The following STIM2 variants were observed in gnomAD, a reference collection of about 807,000 sequenced individuals.
STIM2 encodes the protein stromal interaction molecule 2.
In STIM2, 31 loss-of-function variants were observed where a neutral mutation model predicts 85.8. That is an observed-to-expected ratio of 0.36 (90% CI 0.27 to 0.49). The LOEUF is 0.49. STIM2 is among the 20% of genes least tolerant of loss of function. The probability of loss-of-function intolerance (pLI) is 0.98; values close to 1 mark genes in which losing one functional copy is unlikely to be tolerated. For synonymous variants in STIM2, 356 were observed against 331.1 expected, an observed-to-expected ratio of 1.08 and a Z score of -0.82; for missense variants, 841 against 927.6, an observed-to-expected ratio of 0.91 and a Z score of 1.21.
chr4:26,888,928 T>G (rs1484156066), intron 1 of STIM2, among the ~76,000 whole-genome samples: 3 of 152,222 alleles, frequency 2.0e-5, no homozygotes, highest in Admixed American at 6.5e-5. Context: ...ACCCTGGGTC[T>G]TCTTTGCCTG....
chr4:26,940,697 T>C (rs1725578074), intron 2 of STIM2, among the ~76,000 whole-genome samples: 1 of 152,200 alleles, frequency 6.6e-6, no homozygotes, highest in African/African-American at 2.4e-5. Flanking sequence ...TCTTTTCCTT[T>C]TTGTAAATCC....
Position 27,008,871 on chromosome 4 carries a change from G to T in STIM2, c.1358G>T (p.Ser453Ile). The change falls in exon 10 of 12, where the codon AGC becomes ATC. Residue 453 changes from serine to isoleucine, a missense_variant. Around this residue, in one of 3 missense-constraint regions of STIM2, gnomAD observed 408 missense variants for 525.4 expected, o/e 0.78. Coordinates refer to ENST00000467087, the MANE Select transcript of STIM2 (RefSeq NM_020860.4). The stretch of plus-strand genomic sequence containing the variant: ...ATAGCCCATAACTCAGGACTCCCCA[G>T]CCTGACCTCTTCCCTTTATTCTGAT... 1 of 1,614,114 alleles carries T rather than the reference G, an allele frequency of 6.2e-7. No individual in the cohort carries two copies. The highest frequency in any genetic ancestry group is 8.5e-7 in the Non-Finnish European group (1 of 1,179,990).
At chr4:26,866,735 C>T (rs919069123) in intron 1 of STIM2, among the ~76,000 whole-genome samples, 1 of 152,064 alleles carries the variant, frequency 6.6e-6, no homozygotes, top group Non-Finnish European at 1.5e-5. Context: ...TGTATACTGG[C>T]AAGAATGAGA....
intron 2 of STIM2, among the ~76,000 whole-genome samples, chr4:26,919,927 C>T (rs1464524402): frequency 1.3e-5 from 2 of 152,108 alleles, no homozygotes; most frequent in Non-Finnish European, 2.9e-5. Context: ...TGTTGCTTTA[C>T]AAACCACTCC....
In STIM2 at chr4:27,025,216, A is replaced by G. The variant is rs1191753573; in HGVS notation, c.*2220A>G. ...TACAGTATACACATTTGTAAATTCA[A>G]CAGGAAATTATTGAGTTTTGGAAAG... On this transcript the variant is annotated 3_prime_UTR_variant, in exon 12 of 12. Transcript: ENST00000467087. 6.6e-6 allele frequency: 1 copy of G among 152,244 alleles called. No individual in the cohort carries two copies. The highest frequency in any genetic ancestry group is 1.5e-5 in the Non-Finnish European group (1 of 68,038). 9.4% of individuals were successfully genotyped at this position (152,244 alleles called of 1,614,324 possible).
chr4:26,983,997 A>G (rs1052943816), intron 3 of STIM2, among the ~76,000 whole-genome samples: 4 of 152,240 alleles, frequency 2.6e-5, no homozygotes, highest in Admixed American at 6.5e-5. Flanking sequence ...TTGTAAAGCT[A>G]TAATTGAAAA....
At chr4:27,003,922 C>T (rs1223021124) in intron 7 of STIM2, among the ~76,000 whole-genome samples, 3 of 152,136 alleles carry the variant, frequency 2.0e-5, no homozygotes, top group Non-Finnish European at 4.4e-5. Context: ...CTCATCTCCT[C>T]CTTCTGACTT....
At chr4:27,007,900 T>A (rs539733840) in intron 8 of STIM2, 200 bp downstream of exon 8, 2 of 727,006 alleles carry the variant, frequency 2.8e-6, no homozygotes, top group South Asian at 3.2e-5. Context: ...AAGTGTATAC[T>A]TTTCAAAGTG....
chr4:26,997,434 TACTAAG>T (rs1408015487), intron 4 of STIM2, among the ~76,000 whole-genome samples: 2 of 152,196 alleles, frequency 1.3e-5, no homozygotes, highest in Non-Finnish European at 2.9e-5. Context: ...CCAAACATTA[TACTAAG>T]GCTGTCTTCA....
At chr4:26,971,418 G>A (rs1229146384) in intron 3 of STIM2, among the ~76,000 whole-genome samples, 2 of 152,088 alleles carry the variant, frequency 1.3e-5, no homozygotes, top group Non-Finnish European at 2.9e-5. Flanking sequence ...ATTAATTTTT[G>A]TATAAGGTGT....
At chr4:27,018,174 G>A (rs1728799149) in intron 11 of STIM2, among the ~76,000 whole-genome samples, 190 bp downstream of exon 11, 1 of 152,140 alleles carries the variant, frequency 6.6e-6, no homozygotes, top group Non-Finnish European at 1.5e-5. Context: ...CAAGCCTGGT[G>A]TGACTGGGGT....
At chr4:26,958,263 T>TA (rs1294590703) in intron 3 of STIM2, among the ~76,000 whole-genome samples, 3 of 152,148 alleles carry the variant, frequency 2.0e-5, no homozygotes, top group Non-Finnish European at 2.9e-5. Flanking sequence ...GTCTGTGATC[T>TA]AAAAATCTCA....
At chr4:27,005,808 T>C (rs1269280777) in intron 7 of STIM2, among the ~76,000 whole-genome samples, 1 of 152,226 alleles carries the variant, frequency 6.6e-6, no homozygotes, top group Non-Finnish European at 1.5e-5. Context: ...ATGTTAAATG[T>C]GTTTCCTTTG....
At chr4:26,979,631 A>G (rs751248188) in intron 3 of STIM2, among the ~76,000 whole-genome samples, 11 of 152,256 alleles carry the variant, frequency 7.2e-5, no homozygotes, top group Non-Finnish European at 1.3e-4. Flanking sequence ...ATATTTAAAT[A>G]TACTCATTTA....
Position 27,023,059 on chromosome 4 carries a change from A to G in STIM2, c.*63A>G. 9 of 1,451,870 alleles carry G rather than the reference A, an allele frequency of 6.2e-6. No homozygotes were observed. Among genetic ancestry groups the G allele is most frequent in the Non-Finnish European group, 7.4e-6 (8 of 1,077,668 alleles). The allele number at this position is 1,451,870 out of a possible 1,614,324, so 89.9% of individuals were successfully genotyped here. On this transcript the variant is annotated 3_prime_UTR_variant, in exon 12 of 12. Coordinates refer to ENST00000467087, the MANE Select transcript of STIM2 (RefSeq NM_020860.4). ...TGTAAACTATTATCCCCCACCCTCC[A>G]CTCCCCACCTTTTTTTTGGTTTAAT...
Position 26,901,840 on chromosome 4 carries a change from G to T in STIM2, c.152-17664G>T, listed in dbSNP as rs1238295967. ...TGTGAAATTCTTCTTATCCCTTTGA[G>T]AGACTGATTATTTGGAGGAGGATAT... On this transcript the variant is annotated intron_variant, in intron 1 of 11. Coordinates refer to ENST00000467087, the MANE Select transcript of STIM2 (RefSeq NM_020860.4). 2.0e-5 allele frequency among the ~76,000 whole-genome samples: 3 copies of T among 152,166 alleles called. No individual in the cohort carries two copies. The East Asian group carries it at 5.8e-4, about 29-fold the overall frequency.
intron 1 of STIM2, among the ~76,000 whole-genome samples, chr4:26,906,130 A>G (rs776188686): frequency 6.6e-6 from 1 of 152,214 alleles, no homozygotes; most frequent in Non-Finnish European, 1.5e-5. Flanking sequence ...TTGCAGCAAC[A>G]TGGATAGAGC....
At chr4:26,899,869 A>T (rs1035110384) in intron 1 of STIM2, among the ~76,000 whole-genome samples, 19 of 152,154 alleles carry the variant, frequency 1.2e-4, no homozygotes, top group Admixed American at 6.6e-4. Flanking sequence ...TGAATAATGA[A>T]TTTTTAAGGA....
intron 2 of STIM2, among the ~76,000 whole-genome samples, chr4:26,952,920 A>G (rs1044677993): frequency 3.9e-5 from 6 of 152,108 alleles, no homozygotes; most frequent in Non-Finnish European, 7.4e-5. Flanking sequence ...TAGTTTTTTC[A>G]TCTTTAAAAG....
Sources: gnomAD v4.1 joint callset for allele counts (sites outside exome capture counted in the v4.1 genomes callset) on GRCh38, gnomAD v4.1.1 for gene constraint, gnomAD v4.1.1 regional missense constraint, MANE v1.5 for transcripts, NCBI Gene and HGNC (gene_info 2026-07-23, HGNC 2026-07-21) for gene names.